FIG4: variants seen among roughly 807,000 people sequenced by gnomAD.
FIG4 encodes polyphosphoinositide phosphatase.
In FIG4, 112 loss-of-function variants were observed where a neutral mutation model predicts 118.6. That is an observed-to-expected ratio of 0.94 (90% confidence interval 0.81 to 1.11). The LOEUF (loss-of-function observed/expected upper bound fraction) is 1.11. Ranked by LOEUF, FIG4 falls within the 50% of genes least tolerant of loss-of-function variation. The pLI is 0.00. For synonymous variants in FIG4, 369 were observed against 381.2 expected (o/e 0.97, Z 0.37); for missense variants, 969 against 1,111.7 (o/e 0.87, Z 1.83).
intron 12 of FIG4, among the ~76,000 whole-genome samples, chr6:109,763,594 A>G (rs970039518): frequency 6.6e-6 from 1 of 152,218 alleles, no homozygotes; most frequent in Non-Finnish European, 1.5e-5. Flanking sequence ...AAGATGCCCT[A>G]CAATTATTAT....
At chr6:109,698,812 C>G (rs971456421) in intron 1 of FIG4, among the ~76,000 whole-genome samples, 9 of 152,020 alleles carry the variant, frequency 5.9e-5, no homozygotes, top group African/African-American at 1.9e-4. Flanking sequence ...AATGTTAAAC[C>G]TTGGATTTTG....
At chr6:109,777,639 A>T (rs919931748) in intron 16 of FIG4, among the ~76,000 whole-genome samples, 4 of 152,198 alleles carry the variant, frequency 2.6e-5, no homozygotes, top group African/African-American at 9.6e-5. Context: ...CACTGGGAAG[A>T]CGGGAAGCTA....
At chr6:109,812,284 G>A (rs375619268) in intron 22 of FIG4, among the ~76,000 whole-genome samples, 77 of 152,182 alleles carry the variant, frequency 5.1e-4, no homozygotes, top group Non-Finnish European at 9.9e-4. Context: ...TGTAAAAATG[G>A]ACTAATATGC....
At chr6:109,763,648 C>T (rs1380740992) in intron 12 of FIG4, among the ~76,000 whole-genome samples, 1 of 152,168 alleles carries the variant, frequency 6.6e-6, no homozygotes, top group Non-Finnish European at 1.5e-5. Flanking sequence ...TGAATGAAAG[C>T]AAGGGAGATT....
chr6:109,808,437 A>G (rs1246948313), intron 22 of FIG4, among the ~76,000 whole-genome samples: 2 of 152,018 alleles, frequency 1.3e-5, no homozygotes, highest in African/African-American at 4.8e-5. Context: ...AAATTATTAA[A>G]TATCAACACT....
chr6:109,788,200 C>G (rs1778038346), intron 18 of FIG4, among the ~76,000 whole-genome samples: 1 of 152,126 alleles, frequency 6.6e-6, no homozygotes, highest in African/African-American at 2.4e-5. Flanking sequence ...AACCCCCATT[C>G]TAAGTTGAGG....
intron 19 of FIG4, 115 bp downstream of exon 19, chr6:109,789,792 C>T: frequency 4.1e-6 from 3 of 740,198 alleles, no homozygotes; most frequent in Non-Finnish European, 7.2e-6. Context: ...ATTAATAACA[C>T]TGGGATCACT....
At chr6:109,713,870 G>C (rs1392482586) in intron 1 of FIG4, among the ~76,000 whole-genome samples, 1 of 152,128 alleles carries the variant, frequency 6.6e-6, no homozygotes, top group Non-Finnish European at 1.5e-5. Context: ...CCTGCAAGCA[G>C]GGCTGGGGCC....
intron 1 of FIG4, among the ~76,000 whole-genome samples, chr6:109,702,041 G>A (rs1774925199): frequency 6.6e-6 from 1 of 152,186 alleles, no homozygotes; most frequent in African/African-American, 2.4e-5. Context: ...ACTGGACTAA[G>A]TGAGGAGGCA....
rs565049769 is a variant in FIG4 at position 109,771,185 on chromosome 6, T to C, written c.1750+4290T>C. Reference sequence around the variant, plus strand: ...GTTTTAATACCCTTGGTAACTTTTGTTAAAGCCCAACTCTTCACCTCTTCT... The same window carrying C: ...GTTTTAATACCCTTGGTAACTTTTGCTAAAGCCCAACTCTTCACCTCTTCT... On this transcript the variant is annotated intron_variant, in intron 15 of 22. Transcript: ENST00000230124. Among the ~76,000 whole-genome samples, 28 of 152,368 alleles carry C rather than the reference T, an allele frequency of 1.8e-4. No individual in the cohort carries two copies. In the East Asian group the frequency reaches 5.0e-3, roughly 27 times the overall value.
At chr6:109,760,152 A>AT (rs984782788) in intron 10 of FIG4, 98 bp from the exon 11 acceptor site, 14 of 1,004,750 alleles carry the variant, frequency 1.4e-5, no homozygotes, top group African/African-American at 6.4e-5. Flanking sequence ...TAAGACTTGG[A>AT]TTTTTTTGTC....
At chr6:109,729,809 A>G (rs1583657803) in intron 4 of FIG4, among the ~76,000 whole-genome samples, 1 of 151,892 alleles carries the variant, frequency 6.6e-6, no homozygotes, top group South Asian at 2.1e-4. Flanking sequence ...AAGAAAAAAG[A>G]AAAGATCAAC....
chr6:109,775,251 G>T (rs1343052198), intron 15 of FIG4, among the ~76,000 whole-genome samples: 1 of 152,164 alleles, frequency 6.6e-6, no homozygotes, highest in African/African-American at 2.4e-5. Flanking sequence ...GCCAGGAGAA[G>T]ATCCTTGGGC....
chr6:109,777,831 A>G (rs578199707), intron 16 of FIG4, among the ~76,000 whole-genome samples: 1 of 152,348 alleles, frequency 6.6e-6, no homozygotes, highest in African/African-American at 2.4e-5. Context: ...GAGCCTCAGG[A>G]TCAGGTAGAG....
intron 4 of FIG4, among the ~76,000 whole-genome samples, chr6:109,728,765 G>A (rs1340569835): frequency 6.6e-6 from 1 of 152,162 alleles, no homozygotes; most frequent in East Asian, 1.9e-4. Flanking sequence ...GGCCTATATA[G>A]TGTATTGACT....
rs543071217 is a variant in FIG4 at position 109,820,026 on chromosome 6, A to G, written c.2547-5062A>G. ...GGGAGACAGATGGGGGCACAGACAT[A>G]GGTGTGCACAAGGCTATGGGAACAG... On this transcript the variant is annotated intron_variant, in intron 22 of 22. Coordinates refer to ENST00000230124, the MANE Select transcript of FIG4 (RefSeq NM_014845.6). Among the ~76,000 whole-genome samples, 3 of 152,308 alleles carry G rather than the reference A, an allele frequency of 2.0e-5. No homozygotes were observed. In the East Asian group the frequency reaches 5.8e-4, roughly 29 times the overall value.
At chr6:109,707,364 T>TACATATATAC in intron 1 of FIG4, among the ~76,000 whole-genome samples, 1 of 7,824 alleles carries the variant, frequency 1.3e-4, no homozygotes, top group Admixed American at 1.1e-3. Context: ...CATATATACG[T>TACATATATAC]GTATATATAT....
Position 109,760,354 on chromosome 6 carries a change from T to C in FIG4, c.1242T>C (p.Ile414=), listed in dbSNP as rs61729087. The C allele has an allele frequency of 1.7e-3, 2,724 of 1,613,216 alleles. 42 individuals carry two copies. The African/African-American group carries it at 0.027, about 16-fold the overall frequency. Residue 414 remains isoleucine (I), a synonymous_variant, in exon 11 of 23, where the codon ATT becomes ATC. Coordinates refer to ENST00000230124, the MANE Select transcript of FIG4 (RefSeq NM_014845.6). ...FLPPEHTIVY[I]PWDMAKYTKS... ...CTCCTGAGCACACTATTGTTTATATTCCCTGGGACATGGCCAAGTATACCA... is the reference window on the plus strand; with the variant it reads ...CTCCTGAGCACACTATTGTTTATATCCCCTGGGACATGGCCAAGTATACCA...
chr6:109,813,276 G>T (rs1778770947), intron 22 of FIG4, among the ~76,000 whole-genome samples: 1 of 151,888 alleles, frequency 6.6e-6, no homozygotes, highest in African/African-American at 2.4e-5. Context: ...CACTTTTGTG[G>T]GTATTTTTAT....
Sources: gnomAD v4.1 joint callset for allele counts (sites outside exome capture counted in the v4.1 genomes callset) on GRCh38, gnomAD v4.1.1 for gene constraint, MANE v1.5 for transcripts, NCBI Gene and HGNC (gene_info 2026-07-23, HGNC 2026-07-21) for gene names.